PLA2R1: variants seen among roughly 807,000 people sequenced by gnomAD.
PLA2R1 encodes secretory phospholipase A2 receptor.
PLA2R1 carries 158 observed loss-of-function variants against 195.9 expected under a neutral mutation model. That is an observed-to-expected ratio of 0.81 (90% CI 0.71 to 0.92). The LOEUF (loss-of-function observed/expected upper bound fraction) is 0.92. PLA2R1 is among the 40% of genes least tolerant of loss of function. PLA2R1 has a pLI of 0.00. For synonymous variants in PLA2R1, 586 were observed against 598.2 expected (o/e 0.98, Z 0.30); for missense variants, 1,626 against 1,764.6 (o/e 0.92, Z 1.41).
intron 3 of PLA2R1, among the ~76,000 whole-genome samples, chr2:160,038,309 G>GTT (rs1694297066): frequency 1.3e-5 from 2 of 152,228 alleles, no homozygotes; most frequent in African/African-American, 4.8e-5. Context: ...GAATCACCTA[G>GTT]AAGTTTGTTA....
chr2:160,040,686 A>C (rs1379721168), intron 3 of PLA2R1, among the ~76,000 whole-genome samples: 5 of 152,214 alleles, frequency 3.3e-5, no homozygotes, highest in Non-Finnish European at 7.3e-5. Context: ...CTAGATGCCA[A>C]GTTCCTTAAA....
At chr2:159,953,304 T>C (rs1687878807) in intron 23 of PLA2R1, among the ~76,000 whole-genome samples, 1 of 152,246 alleles carries the variant, frequency 6.6e-6, no homozygotes, top group Non-Finnish European at 1.5e-5. Flanking sequence ...TGTCTCTTCT[T>C]ATTCAGTTTC....
chr2:159,969,240 G>A lies in PLA2R1; in HGVS notation c.2764+16C>T. 1.5e-6 allele frequency: 2 copies of A among 1,341,138 alleles called. No individual in the cohort carries two copies. Among genetic ancestry groups the A allele is most frequent in the Non-Finnish European group, 2.1e-6 (2 of 936,702 alleles). 83.1% of individuals were successfully genotyped at this position (1,341,138 alleles called of 1,614,324 possible). On this transcript the variant is annotated intron_variant, in intron 19 of 29. Transcript: ENST00000283243. The stretch of plus-strand genomic sequence containing the variant: ...CAGTTTGTATTATAAACCCAAAAAT[G>A]GGTAAGTAAAATAACCTGTTATAGA...
rs139522029 is a variant in PLA2R1 at position 160,029,139 on chromosome 2, G to C, written c.842-176C>G. Among the ~76,000 whole-genome samples the C allele has an allele frequency of 8.1e-4, 124 of 152,316 alleles. 2 individuals carry two copies. The East Asian group carries it at 0.021, about 25-fold the overall frequency. On this transcript the variant is annotated intron_variant, in intron 4 of 29. Coordinates refer to ENST00000283243, the MANE Select transcript of PLA2R1 (RefSeq NM_007366.5). ...CAGGCTCCCACCATCTTGAGAAACAGAGCAGGCTCACTGACAGCTGTTTTT... is the reference window on the plus strand; with the variant it reads ...CAGGCTCCCACCATCTTGAGAAACACAGCAGGCTCACTGACAGCTGTTTTT...
At chr2:159,967,196 A>AGCACACACACACATGC (rs1384401798) in intron 20 of PLA2R1, among the ~76,000 whole-genome samples, 1 of 152,124 alleles carries the variant, frequency 6.6e-6, no homozygotes, top group East Asian at 1.9e-4. Flanking sequence ...CACGCACATG[A>AGCACACACACACATGC]GCACACACAC....
intron 3 of PLA2R1, among the ~76,000 whole-genome samples, chr2:160,037,603 T>C (rs1410634742): frequency 6.6e-6 from 1 of 152,200 alleles, no homozygotes; most frequent in Non-Finnish European, 1.5e-5. Context: ...TACTTGGTTT[T>C]ATTATTATTT....
chr2:160,011,793 G>A (rs1387090034), intron 10 of PLA2R1, among the ~76,000 whole-genome samples: 1 of 152,130 alleles, frequency 6.6e-6, no homozygotes. Flanking sequence ...GCTTTCTTCT[G>A]CCTGTTAGCC....
Position 160,024,636 on chromosome 2 carries a change from G to C in PLA2R1, c.1100-1777C>G, listed in dbSNP as rs529917914. 5.3e-5 allele frequency among the ~76,000 whole-genome samples: 8 copies of C among 152,284 alleles called. 1 individual carries two copies. In the South Asian group the frequency reaches 1.0e-3, roughly 20 times the overall value. On this transcript the variant is annotated intron_variant, in intron 6 of 29. Coordinates refer to ENST00000283243, the MANE Select transcript of PLA2R1 (RefSeq NM_007366.5). Reference sequence around the variant, plus strand: ...AAGCTGAAGCAGCCCCATCTCATGGGGGAATGGGTGCCTTGGCTGAGCTGA... The same window carrying C: ...AAGCTGAAGCAGCCCCATCTCATGGCGGAATGGGTGCCTTGGCTGAGCTGA...
At chr2:160,034,662 G>A (rs1441980481) in intron 3 of PLA2R1, among the ~76,000 whole-genome samples, 1 of 152,218 alleles carries the variant, frequency 6.6e-6, no homozygotes, top group Non-Finnish European at 1.5e-5. Context: ...GACAGTCACA[G>A]TGGCTCATGC....
chr2:159,980,345 G>A (rs1689862548), intron 13 of PLA2R1, among the ~76,000 whole-genome samples: 1 of 152,174 alleles, frequency 6.6e-6, no homozygotes, highest in Non-Finnish European at 1.5e-5. Context: ...CACATGAAAA[G>A]AAAATTGGTA....
At chr2:160,055,708 C>T (rs1695492646) in intron 1 of PLA2R1, among the ~76,000 whole-genome samples, 1 of 152,134 alleles carries the variant, frequency 6.6e-6, no homozygotes, top group South Asian at 2.1e-4. Context: ...TTACTTAACC[C>T]TTCTTCATCT....
intron 11 of PLA2R1, among the ~76,000 whole-genome samples, chr2:159,996,242 G>T (rs1157472739): frequency 1.3e-5 from 2 of 151,818 alleles, no homozygotes; most frequent in African/African-American, 2.4e-5. Flanking sequence ...CTGAATTTTT[G>T]TTTGATAAAA....
intron 17 of PLA2R1, among the ~76,000 whole-genome samples, chr2:159,971,665 T>C (rs1375287524): frequency 2.6e-5 from 4 of 152,200 alleles, no homozygotes; most frequent in Non-Finnish European, 4.4e-5. Flanking sequence ...TTAATTTTTA[T>C]ATGCTAAAAT....
chr2:160,005,689 C>T lies in PLA2R1; in HGVS notation c.1797G>A (p.Glu599=). The T allele has an allele frequency of 6.2e-7, 1 of 1,614,110 alleles. No homozygotes were observed. The highest frequency in any genetic ancestry group is 2.2e-5 in the East Asian group (1 of 44,866). Residue 599 remains glutamate (E), a synonymous_variant, in exon 11 of 30, where the codon GAG becomes GAA. Transcript: ENST00000283243. ...YTWKPVGQKP[E]PVQYTHWNTH... ...TGTTCCAGTGTGTGTACTGCACCGG[C>T]TCGGGTTTCTGCCCTACTGGCTTCC... is the stretch of plus-strand genomic sequence containing the variant.
chr2:159,926,586 TA>T, the PLA2R1 span, among the ~76,000 whole-genome samples: 1 of 152,176 alleles, frequency 6.6e-6, no homozygotes, highest in Non-Finnish European at 1.5e-5. Context: ...GATGGCTAAA[TA>T]GTGAGCCATT....
chr2:160,056,274 A>G lies in PLA2R1; in HGVS notation c.109+6021T>C, dbSNP rs561893357. On this transcript the variant is annotated intron_variant, in intron 1 of 29. Coordinates refer to ENST00000283243, the MANE Select transcript of PLA2R1 (RefSeq NM_007366.5). ...AAATGAAACATTGTTTCAGTTATAC[A>G]TATGTAGACCTATATGCTGTGGGTT... Among the ~76,000 whole-genome samples the G allele has an allele frequency of 2.0e-5, 3 of 152,330 alleles. No homozygotes were observed. The East Asian group carries it at 5.8e-4, about 29-fold the overall frequency.
At chr2:160,028,779 A>T (rs1240375830) in intron 5 of PLA2R1, 71 bp downstream of exon 5, 1 of 881,018 alleles carries the variant, frequency 1.1e-6, no homozygotes, top group Non-Finnish European at 1.9e-6. Context: ...TCCTATGTGC[A>T]TGGGAAATGC....
At chr2:159,942,621 T>C (rs1687149742) in intron 28 of PLA2R1, among the ~76,000 whole-genome samples, 1 of 152,234 alleles carries the variant, frequency 6.6e-6, no homozygotes, top group Non-Finnish European at 1.5e-5. Context: ...CCTGACTCTT[T>C]GTAAGGATTT....
At chr2:160,032,912 C>G (rs2105526763) in intron 4 of PLA2R1, 47 bp downstream of exon 4, 1 of 1,275,452 alleles carries the variant, frequency 7.8e-7, no homozygotes, top group Admixed American at 2.0e-5. Flanking sequence ...CAGTTAACAA[C>G]CATCTTTTAT....
Sources: allele counts gnomAD v4.1 joint callset (sites outside exome capture counted in the v4.1 genomes callset), GRCh38; gene constraint gnomAD v4.1.1; transcripts MANE v1.5; gene names NCBI Gene and HGNC (gene_info 2026-07-23, HGNC 2026-07-21).